ATP8A1: variants seen among roughly 807,000 people sequenced by gnomAD.
ATP8A1 encodes ATPase phospholipid transporting 8A1, also known as phospholipid-transporting ATPase IA.
In ATP8A1, 90 loss-of-function variants were observed where a neutral mutation model predicts 177.7. The ratio of observed to expected loss-of-function variants is 0.51; its 90% CI spans 0.43 to 0.60. The LOEUF (loss-of-function observed/expected upper bound fraction) is 0.60, where lower values mean the gene tolerates loss of function less well. Among genes scored for constraint, ATP8A1 ranks in the 20% least tolerant of loss-of-function variants. ATP8A1 has a pLI of 0.00. For synonymous variants in ATP8A1, 493 were observed against 485.9 expected (o/e 1.01, Z -0.19); for missense variants, 1,072 against 1,392.8 (o/e 0.77, Z 3.67).
intron 27 of ATP8A1, among the ~76,000 whole-genome samples, chr4:42,461,871 A>G (rs1228280546): frequency 6.6e-6 from 1 of 152,202 alleles, no homozygotes; most frequent in Non-Finnish European, 1.5e-5. Flanking sequence ...ATCCAGGCTG[A>G]GGTGGTTTCA....
At chr4:42,477,495 T>C (rs1721197117) in intron 25 of ATP8A1, among the ~76,000 whole-genome samples, 3 of 152,086 alleles carry the variant, frequency 2.0e-5, no homozygotes, top group Admixed American at 1.3e-4. Flanking sequence ...CCCCTCTCTT[T>C]CTCTCTCTCC....
chr4:42,585,442 C>A (rs1733518653), intron 9 of ATP8A1, among the ~76,000 whole-genome samples: 1 of 149,610 alleles, frequency 6.7e-6, no homozygotes. Context: ...AGCGGTGTAT[C>A]AGAAGGTGGG....
At chr4:42,497,917 G>A (rs1451761300) in intron 24 of ATP8A1, among the ~76,000 whole-genome samples, 1 of 149,140 alleles carries the variant, frequency 6.7e-6, no homozygotes, top group Non-Finnish European at 1.5e-5. Flanking sequence ...TTTTGCATTA[G>A]GACATTATAA....
intron 5 of ATP8A1, among the ~76,000 whole-genome samples, chr4:42,606,682 A>G (rs1271391707): frequency 6.6e-6 from 1 of 152,182 alleles, no homozygotes; most frequent in Non-Finnish European, 1.5e-5. Flanking sequence ...AATTTTCCAC[A>G]ACAGCTGCAT....
intron 22 of ATP8A1, among the ~76,000 whole-genome samples, chr4:42,513,751 C>T (rs1032281677): frequency 1.3e-5 from 2 of 152,036 alleles, no homozygotes; most frequent in Non-Finnish European, 2.9e-5. Flanking sequence ...GGACACCTGG[C>T]GAATTTTAGA....
At chr4:42,507,343 C>T (rs1203983124) in intron 22 of ATP8A1, among the ~76,000 whole-genome samples, 189 bp from the exon 23 acceptor site, 13 of 152,276 alleles carry the variant, frequency 8.5e-5, no homozygotes, top group African/African-American at 3.1e-4. Flanking sequence ...AGGCATTACA[C>T]TGAGGCTCCC....
At chr4:42,637,095 C>G in intron 1 of ATP8A1, 7 of 517,044 alleles carry the variant, frequency 1.4e-5, no homozygotes, top group South Asian at 9.8e-5. Context: ...GATGCCCTAC[C>G]CAGACTGGCT....
At chr4:42,540,562 A>G (rs1728283365) in intron 20 of ATP8A1, among the ~76,000 whole-genome samples, 1 of 152,018 alleles carries the variant, frequency 6.6e-6, no homozygotes, top group South Asian at 2.1e-4. Context: ...ATAAAAAAAA[A>G]AAACAGGTGT....
intron 5 of ATP8A1, among the ~76,000 whole-genome samples, chr4:42,606,673 A>G (rs1223018000): frequency 6.6e-6 from 1 of 152,108 alleles, no homozygotes; most frequent in Non-Finnish European, 1.5e-5. Flanking sequence ...AGACAACTCA[A>G]TTTTCCACAA....
At chr4:42,476,483 G>T (rs1440351664) in intron 25 of ATP8A1, among the ~76,000 whole-genome samples, 1 of 152,000 alleles carries the variant, frequency 6.6e-6, no homozygotes, top group African/African-American at 2.4e-5. Flanking sequence ...GCCATGCGTG[G>T]TGGTGGATGC....
At chr4:42,579,685 T>C (rs1732819095) in intron 11 of ATP8A1, 128 bp downstream of exon 11, 2 of 868,614 alleles carry the variant, frequency 2.3e-6, no homozygotes, top group East Asian at 5.5e-5. Context: ...AAAATAAAGA[T>C]CAAATGTCCA....
chr4:42,532,837 G>A (rs145716411), intron 20 of ATP8A1, among the ~76,000 whole-genome samples: 4,508 of 152,326 alleles, frequency 0.03, 225 homozygotes, highest in African/African-American at 0.1. Flanking sequence ...CCACTATTGT[G>A]ATTTGTTCCT....
chr4:42,550,347 T>C lies in ATP8A1; in HGVS notation c.1602+851A>G, dbSNP rs1009408860. ...ATCACAATTTGTTTATCCATTCTTC[T>C]ATTGATGGGCATTTGGTTTGGTTTC... On this transcript the variant is annotated intron_variant, in intron 18 of 36. Coordinates refer to ENST00000381668, the MANE Select transcript of ATP8A1 (RefSeq NM_006095.2). Among the ~76,000 whole-genome samples, 5 of 152,206 alleles carry C rather than the reference T, an allele frequency of 3.3e-5. No homozygotes were observed. In the East Asian group the frequency reaches 9.6e-4, roughly 29 times the overall value.
intron 33 of ATP8A1, among the ~76,000 whole-genome samples, chr4:42,429,212 T>C (rs1306910891): frequency 6.6e-6 from 1 of 151,736 alleles, no homozygotes; most frequent in African/African-American, 2.4e-5. Flanking sequence ...GGGAGAGGAG[T>C]TGATTCAGCT....
At chr4:42,548,805 C>T (rs553740577) in intron 19 of ATP8A1, among the ~76,000 whole-genome samples, 6 of 152,160 alleles carry the variant, frequency 3.9e-5, no homozygotes, top group South Asian at 4.2e-4. Flanking sequence ...CCAGTAGTCA[C>T]GCATTGCAAT....
intron 8 of ATP8A1, 116 bp downstream of exon 8, chr4:42,588,144 T>A: frequency 1.3e-6 from 1 of 760,402 alleles, no homozygotes; most frequent in East Asian, 2.8e-5. Context: ...TGTGGTTCCA[T>A]GGGAACATAT....
At chr4:42,605,433 TA>T (rs33919669) in intron 5 of ATP8A1, among the ~76,000 whole-genome samples, 83,563 of 151,864 alleles carry the variant, frequency 0.55, 23,464 homozygotes, top group South Asian at 0.67. Context: ...AGTTCACATG[TA>T]AAAAATAGCC....
At chr4:42,426,421 T>C (rs528988239) in intron 33 of ATP8A1, among the ~76,000 whole-genome samples, 1 of 152,318 alleles carries the variant, frequency 6.6e-6, no homozygotes, top group South Asian at 2.1e-4. Context: ...CAGAAGGCCC[T>C]TTGCAGAACT....
chr4:42,517,878 T>C (rs1038425880), intron 22 of ATP8A1, among the ~76,000 whole-genome samples: 2 of 152,192 alleles, frequency 1.3e-5, no homozygotes, highest in Admixed American at 6.5e-5. Flanking sequence ...TGACTGTCAA[T>C]AGGGATAACA....
Sources: gnomAD v4.1 joint callset for allele counts (sites outside exome capture counted in the v4.1 genomes callset) on GRCh38, gnomAD v4.1.1 for gene constraint, MANE v1.5 for transcripts, NCBI Gene and HGNC (gene_info 2026-07-23, HGNC 2026-07-21) for gene names.